AACS: variants seen among roughly 807,000 people sequenced by gnomAD.
The protein encoded by AACS is acetoacetate-CoA ligase.
In AACS, 69 loss-of-function variants were observed where a neutral mutation model predicts 83.1. That is an observed-to-expected ratio of 0.83 (90% CI 0.68 to 1.01). The LOEUF (loss-of-function observed/expected upper bound fraction) is 1.01. Ranked by LOEUF, AACS falls within the 50% of genes least tolerant of loss-of-function variation. AACS has a pLI of 0.00. For missense variants in AACS, 866 were observed against 882.2 expected (o/e 0.98, Z 0.23); for synonymous variants, 333 against 343.4 (o/e 0.97, Z 0.33).
chr12:125,100,206 C>T (rs950264038), intron 5 of AACS, among the ~76,000 whole-genome samples: 2 of 151,792 alleles, frequency 1.3e-5, no homozygotes, highest in African/African-American at 2.4e-5. Flanking sequence ...TGTCCAAGCT[C>T]GTCTCCCAAA....
At chr12:125,092,154 C>G (rs1201507227) in intron 5 of AACS, among the ~76,000 whole-genome samples, 1 of 152,218 alleles carries the variant, frequency 6.6e-6, no homozygotes, top group Non-Finnish European at 1.5e-5. Context: ...CTTCCTGGGG[C>G]CCCCACTCCC....
intron 4 of AACS, chr12:125,091,048 A>C (rs867528535): frequency 1.2e-4 from 31 of 268,962 alleles, no homozygotes; most frequent in African/African-American, 6.1e-4. Flanking sequence ...GCGCACACTG[A>C]GTGGAGACTG....
chr12:125,091,144 G>T, intron 4 of AACS: 1 of 463,260 alleles, frequency 2.2e-6, no homozygotes, highest in Non-Finnish European at 4.0e-6. Context: ...TCGGAAGAAG[G>T]CTGCTGTGAC....
chr12:125,071,146 A>G (rs560780168), intron 1 of AACS, among the ~76,000 whole-genome samples: 1 of 152,292 alleles, frequency 6.6e-6, no homozygotes, highest in African/African-American at 2.4e-5. Flanking sequence ...TGGTGGCAGC[A>G]AGGTAGTGCA....
chr12:125,102,582 A>G, intron 5 of AACS, 97 bp from the exon 6 acceptor site: 1 of 993,620 alleles, frequency 1.0e-6, no homozygotes, highest in Non-Finnish European at 1.6e-6. Flanking sequence ...CTCCCACCTC[A>G]GCCTCCAGAG....
At position 125,129,159 on chromosome 12, in the gene AACS, C is replaced by T; in HGVS notation, c.1424-176C>T. 1.2e-6 allele frequency: 1 copy of T among 825,048 alleles called. No homozygotes were observed. Among genetic ancestry groups the T allele is most frequent in the African/African-American group, 1.8e-5 (1 of 55,952 alleles). 51.1% of individuals were successfully genotyped at this position (825,048 alleles called of 1,614,324 possible). A position where few individuals can be genotyped will look rare whatever the true frequency, so the allele number is the denominator to read the frequency against. On this transcript the variant is annotated intron_variant, in intron 13 of 17. Coordinates refer to ENST00000316519, the MANE Select transcript of AACS (RefSeq NM_023928.5). This position sits in a 1 kb window ranked among gnomAD's most constrained non-coding sequence, Gnocchi z 4.3. ...GGAGCACACAGGGAGGGGACTTCAT[C>T]TGGGAGGAACGCATTATTAGGCTGC...
intron 3 of AACS, among the ~76,000 whole-genome samples, chr12:125,082,357 T>C (rs11058031): frequency 1.3e-5 from 2 of 148,698 alleles, no homozygotes; most frequent in Non-Finnish European, 3.0e-5. Flanking sequence ...TTTTTTTTTT[T>C]AAGAGATGGG....
rs182738247 is a variant in AACS, at chr12:125,093,789, A to C, written c.570+2266A>C. Among the ~76,000 whole-genome samples, 9 of 152,324 alleles carry C rather than the reference A, an allele frequency of 5.9e-5. No individual in the cohort carries two copies. In the East Asian group the frequency reaches 1.7e-3, roughly 29 times the overall value. Reference sequence around the variant, plus strand: ...CTCATTTTGCTAGTGTCCGAGGTATAGACTCCATCCTGCCGGAGACGGGGG... The same window carrying C: ...CTCATTTTGCTAGTGTCCGAGGTATCGACTCCATCCTGCCGGAGACGGGGG... On this transcript the variant is annotated intron_variant, in intron 5 of 17. Coordinates refer to ENST00000316519, the MANE Select transcript of AACS (RefSeq NM_023928.5).
Position 125,129,197 on chromosome 12 carries a change from G to A in AACS, c.1424-138G>A. The A allele has an allele frequency of 1.6e-6, 2 of 1,212,262 alleles. No homozygotes were observed. Among genetic ancestry groups the A allele is most frequent in the South Asian group, 3.8e-5 (2 of 52,280 alleles). 75.1% of individuals were successfully genotyped at this position (1,212,262 alleles called of 1,614,324 possible). A position where few individuals can be genotyped will look rare whatever the true frequency, so the allele number is the denominator to read the frequency against. On this transcript the variant is annotated intron_variant, in intron 13 of 17. Transcript: ENST00000316519. The surrounding 1 kb of genome is among the most constrained non-coding windows in gnomAD (Gnocchi z 4.3). ...ATTATTAGGCTGCTGTGACAGGTGT[G>A]TGGGCGTGGACCATCTCTGTACCTT...
chr12:125,137,714 C>T (rs951260894), intron 17 of AACS, among the ~76,000 whole-genome samples: 1 of 152,150 alleles, frequency 6.6e-6, no homozygotes, highest in African/African-American at 2.4e-5. Context: ...AACGGATACC[C>T]CGCAAGCTGA....
chr12:125,085,053 T>C (rs1161755619), intron 3 of AACS, among the ~76,000 whole-genome samples: 1 of 151,500 alleles, frequency 6.6e-6, no homozygotes, highest in Non-Finnish European at 1.5e-5. Flanking sequence ...AGAGCTAGAG[T>C]ATATGTAAGT....
chr12:125,129,275 G>C lies in AACS; in HGVS notation c.1424-60G>C, dbSNP rs1373452810. The stretch of plus-strand genomic sequence containing the variant: ...AGTAATAGCTTAAGAAAGAGAGAGA[G>C]ACAGCCAGGGTGTGTGGCTGTGGTG... On this transcript the variant is annotated intron_variant, in intron 13 of 17. Transcript: ENST00000316519. This position sits in a 1 kb window ranked among gnomAD's most constrained non-coding sequence, Gnocchi z 4.3. 16 of 1,546,886 alleles carry C rather than the reference G, an allele frequency of 1.0e-5. No individual in the cohort carries two copies. The highest frequency in any genetic ancestry group is 1.3e-5 in the Non-Finnish European group (15 of 1,147,954).
At position 125,107,207 on chromosome 12, in the gene AACS, T is replaced by A; in HGVS notation, c.854T>A (p.Leu285Gln). 1.2e-6 allele frequency: 2 copies of A among 1,614,132 alleles called. No homozygotes were observed. Among genetic ancestry groups the A allele is most frequent in the East Asian group, 2.2e-5 (1 of 44,884 alleles). The change falls in exon 8 of 18, where the codon CTG (leucine) becomes CAG (glutamine). Residue 285 changes from leucine (L) to glutamine (Q), a missense_variant. Transcript: ENST00000316519. ...GAGCAGCTGCCCTTCAGCCACCCAC[T>A]GTTCATCATGTTCTCATCGGGCACC... Reference protein sequence around the residue: ...EFEQLPFSHPLFIMFSSGTTG... With the variant: ...EFEQLPFSHPQFIMFSSGTTG...
chr12:125,065,746 CG>C, intron 1 of AACS, 29 bp downstream of exon 1: 2 of 1,508,702 alleles, frequency 1.3e-6, no homozygotes, highest in East Asian at 2.6e-5. Context: ...GCCGGGCCTG[CG>C]GGGGATGGGC....
Position 125,073,940 on chromosome 12 carries a change from G to T in AACS, c.198G>T (p.Trp66Cys), listed in dbSNP as rs777018979. The change falls in exon 2 of 18, where the codon TGG becomes TGT. Residue 66 changes from tryptophan to cysteine, a missense_variant. Coordinates refer to ENST00000316519, the MANE Select transcript of AACS (RefSeq NM_023928.5). ...ATTCAGACTTCTGGGCAGAGTTCTG[G>T]AAATTCAGTGGAATTGTCTTCTCAC... Reference protein sequence around the residue: ...ESYSDFWAEFWKFSGIVFSRV... With the variant: ...ESYSDFWAEFCKFSGIVFSRV... 23 of 1,614,112 alleles carry T rather than the reference G, an allele frequency of 1.4e-5. No individual in the cohort carries two copies. The East Asian group carries it at 4.7e-4, about 33-fold the overall frequency.
intron 3 of AACS, among the ~76,000 whole-genome samples, chr12:125,079,853 C>T (rs1028252050): frequency 6.6e-6 from 1 of 152,194 alleles, no homozygotes; most frequent in Non-Finnish European, 1.5e-5. Context: ...AATTAGCAGT[C>T]ACTCTCTGTT....
At chr12:125,077,412 A>G (rs1189524592) in intron 3 of AACS, among the ~76,000 whole-genome samples, 1 of 150,898 alleles carries the variant, frequency 6.6e-6, no homozygotes, top group African/African-American at 2.4e-5. Context: ...CAGGAGGCTG[A>G]GGCAGGAGAA....
At chr12:125,098,063 C>G (rs915397079) in intron 5 of AACS, among the ~76,000 whole-genome samples, 4 of 152,146 alleles carry the variant, frequency 2.6e-5, no homozygotes, top group Non-Finnish European at 5.9e-5. Context: ...CATCACCTTT[C>G]TACTATCCAG....
At chr12:125,132,170 G>A (rs954988399) in intron 14 of AACS, among the ~76,000 whole-genome samples, 3 of 152,242 alleles carry the variant, frequency 2.0e-5, no homozygotes, top group Non-Finnish European at 4.4e-5. Context: ...CACTTCCTCT[G>A]TGGTGCCCTG....
Sources: allele counts gnomAD v4.1 joint callset (sites outside exome capture counted in the v4.1 genomes callset), GRCh38; gene constraint gnomAD v4.1.1; non-coding constraint Gnocchi (gnomAD v3.1); transcripts MANE v1.5; gene names NCBI Gene and HGNC (gene_info 2026-07-23, HGNC 2026-07-21).